Variants in MAP3K2 observed in about 807,000 individuals in gnomAD.
MAP3K2 encodes MAP/ERK kinase kinase 2.
MAP3K2 carries 24 observed loss-of-function variants against 80.3 expected under a neutral mutation model. The ratio of observed to expected loss-of-function variants is 0.30; its 90% CI spans 0.22 to 0.42. The LOEUF (loss-of-function observed/expected upper bound fraction) is 0.42. Ranked by LOEUF, MAP3K2 falls within the 10% of genes least tolerant of loss-of-function variation. MAP3K2 has a pLI of 1.00. For synonymous variants in MAP3K2, 244 were observed against 253.7 expected, an observed-to-expected ratio of 0.96 and a Z score of 0.36; for missense variants, 608 against 750.1, an observed-to-expected ratio of 0.81 and a Z score of 2.21.
Position 127,322,036 on chromosome 2 carries a change from T to C in MAP3K2, c.1045+10A>G. The C allele has an allele frequency of 6.2e-7, 1 of 1,608,720 alleles. No individual in the cohort carries two copies. Among genetic ancestry groups the C allele is most frequent in the Non-Finnish European group, 8.5e-7 (1 of 1,176,524 alleles). On this transcript the variant is annotated intron_variant, in intron 12 of 16. Coordinates refer to ENST00000682094, the MANE Select transcript of MAP3K2 (RefSeq NM_001371910.2). This position sits in a 1 kb window ranked among gnomAD's most constrained non-coding sequence, Gnocchi z 4.2. ...CTCTACATTTCACTATACCAAGTTCTATTACTTACAACGGCTGGGTGGGCT... is the reference window on the plus strand; with the variant it reads ...CTCTACATTTCACTATACCAAGTTCCATTACTTACAACGGCTGGGTGGGCT...
At chr2:127,341,962 T>G (rs1409928095) in intron 2 of MAP3K2, among the ~76,000 whole-genome samples, 1 of 152,230 alleles carries the variant, frequency 6.6e-6, no homozygotes, top group East Asian at 1.9e-4. Flanking sequence ...TTATTCATGA[T>G]ATTTGAAAAA....
At chr2:127,326,561 G>T in intron 8 of MAP3K2, 126 bp downstream of exon 8, 2 of 585,330 alleles carry the variant, frequency 3.4e-6, no homozygotes, top group Non-Finnish European at 5.2e-6. Flanking sequence ...TTTCTATTTT[G>T]TTCAGTTAAG....
intron 1 of MAP3K2, among the ~76,000 whole-genome samples, chr2:127,352,185 T>G (rs988213738): frequency 4.6e-5 from 7 of 152,118 alleles, no homozygotes; most frequent in Non-Finnish European, 8.8e-5. Flanking sequence ...CCAACTTCCC[T>G]ACTTTTGGTG....
In MAP3K2 at chr2:127,307,796, G is replaced by C. The variant is rs1685731030; in HGVS notation, c.1643C>G (p.Ala548Gly). Residue 548 changes from alanine to glycine, a missense_variant, in exon 17 of 17, where the codon GCA (alanine) becomes GGA (glycine). Coordinates refer to ENST00000682094, the MANE Select transcript of MAP3K2 (RefSeq NM_001371910.2). This position sits in a 1 kb window ranked among gnomAD's most constrained non-coding sequence, Gnocchi z 5.4. ...AGTTAGCATTTCTACCACAGTACATGCAACACTCCTGAAAAGAAACAAAAA... is the reference window on the plus strand; with the variant it reads ...AGTTAGCATTTCTACCACAGTACATCCAACACTCCTGAAAAGAAACAAAAA... Reference protein sequence around the residue: ...YGRKADIWSVACTVVEMLTEK... With the variant: ...YGRKADIWSVGCTVVEMLTEK... 2 of 1,584,048 alleles carry C rather than the reference G, an allele frequency of 1.3e-6. No individual in the cohort carries two copies. Among genetic ancestry groups the C allele is most frequent in the African/African-American group, 2.7e-5 (2 of 74,242 alleles).
chr2:127,308,849 TAG>T, intron 15 of MAP3K2, 87 bp from the exon 16 acceptor site: 1 of 1,363,682 alleles, frequency 7.3e-7, no homozygotes, highest in Non-Finnish European at 1.0e-6. Flanking sequence ...AATTACTTCA[TAG>T]ACTCTTTGAT....
rs2104798243 is a variant in MAP3K2, at chr2:127,304,059, A to C, written c.*3520T>G. ...ATAAGGTAAAGACTCTCTCAAGTGAAAGCCAATCCAATTCACTCTGAAATC... is the reference window on the plus strand; with the variant it reads ...ATAAGGTAAAGACTCTCTCAAGTGACAGCCAATCCAATTCACTCTGAAATC... On this transcript the variant is annotated 3_prime_UTR_variant, in exon 17 of 17. Coordinates refer to ENST00000682094, the MANE Select transcript of MAP3K2 (RefSeq NM_001371910.2). The C allele has an allele frequency of 6.6e-6, 1 of 152,298 alleles. No individual in the cohort carries two copies. The highest frequency in any genetic ancestry group is 2.4e-5 in the African/African-American group (1 of 41,584). 9.4% of individuals were successfully genotyped at this position (152,298 alleles called of 1,614,324 possible).
Position 127,318,747 on chromosome 2 carries a change from C to T in MAP3K2, c.1046-430G>A, listed in dbSNP as rs189179395. Among the ~76,000 whole-genome samples, 3 of 152,248 alleles carry T rather than the reference C, an allele frequency of 2.0e-5. No homozygotes were observed. The East Asian group carries it at 5.8e-4, about 29-fold the overall frequency. On this transcript the variant is annotated intron_variant, in intron 12 of 16. Transcript: ENST00000682094. ...CAACAAGAGAAATCTGGGTAATCTACAAAATTTAACTTTTGTTGAACACAT... is the reference window on the plus strand; with the variant it reads ...CAACAAGAGAAATCTGGGTAATCTATAAAATTTAACTTTTGTTGAACACAT...
In MAP3K2 at chr2:127,330,480, T is replaced by C. The variant is rs779010760; in HGVS notation, c.290A>G (p.Asp97Gly). The C allele has an allele frequency of 8.1e-6, 13 of 1,604,340 alleles. No homozygotes were observed. Among genetic ancestry groups the C allele is most frequent in the Non-Finnish European group, 1.1e-5 (13 of 1,173,754 alleles). The change falls in exon 6 of 17, where the codon GAT becomes GGT. Residue 97 changes from aspartate (D) to glycine (G), a missense_variant. By Grantham distance (94) the Asp-to-Gly change is moderately conservative (BLOSUM62 -1). This residue lies in a region of MAP3K2 where 467 missense variants were observed against 521.9 expected (regional missense o/e 0.89). Coordinates refer to ENST00000682094, the MANE Select transcript of MAP3K2 (RefSeq NM_001371910.2). ...CAGTTCCACAGCTTTGTCCAAGTCA[T>C]CTTGAGTAGTTAATGGAATTACCAA... ...NELVIPLTTQ[D>G]DLDKAVELLD...
In MAP3K2 at chr2:127,387,941, G is replaced by A; in HGVS notation, c.-555C>T. On this transcript the variant is annotated 5_prime_UTR_variant, in exon 1 of 17. Transcript: ENST00000682094. Reference sequence around the variant, plus strand: ...TCGTCAGGCGCCGCCGCTGAGGGCAGGCAGCCCGGCAGCCACTACACACGG... The same window carrying A: ...TCGTCAGGCGCCGCCGCTGAGGGCAAGCAGCCCGGCAGCCACTACACACGG... 8 of 984,732 alleles carry A rather than the reference G, an allele frequency of 8.1e-6. No individual in the cohort carries two copies. Among genetic ancestry groups the A allele is most frequent in the Non-Finnish European group, 9.6e-6 (8 of 829,674 alleles). The allele number at this position is 984,732 out of a possible 1,614,324, so 61.0% of individuals were successfully genotyped here. A position where few individuals can be genotyped will look rare whatever the true frequency, so the allele number is the denominator to read the frequency against.
At chr2:127,385,739 C>A (rs1687333457) in intron 1 of MAP3K2, among the ~76,000 whole-genome samples, 1 of 148,276 alleles carries the variant, frequency 6.7e-6, no homozygotes, top group South Asian at 2.2e-4. Flanking sequence ...AAGAGAAAAT[C>A]AACCTGAAAC....
Position 127,330,503 on chromosome 2 carries a change from C to A in MAP3K2, c.267G>T (p.Leu89Phe). The A allele has an allele frequency of 6.5e-7, 1 of 1,530,128 alleles. No individual in the cohort carries two copies. The highest frequency in any genetic ancestry group is 9.0e-7 in the Non-Finnish European group (1 of 1,110,114). 94.8% of individuals were successfully genotyped at this position (1,530,128 alleles called of 1,614,324 possible). A position where few individuals can be genotyped will look rare whatever the true frequency, so the allele number is the denominator to read the frequency against. ...CATCTTGAGTAGTTAATGGAATTAC[C>A]AACTAAAAACAAACATAAGGAACCA... is the stretch of plus-strand genomic sequence containing the variant. ...SMDLHYTNNE[L>F]VIPLTTQDDL... The change falls in exon 6 of 17, where the codon TTG becomes TTT. Residue 89 changes from leucine to phenylalanine, a missense_variant and splice_region_variant. By Grantham distance (22) the Leu-to-Phe change is conservative. Transcript: ENST00000682094.
chr2:127,376,087 T>A (rs529542779), intron 1 of MAP3K2, among the ~76,000 whole-genome samples: 1 of 152,198 alleles, frequency 6.6e-6, no homozygotes, highest in South Asian at 2.1e-4. Context: ...AGGAGATCAG[T>A]CAGGGTGATG....
chr2:127,348,792 G>C (rs186987507), intron 1 of MAP3K2, among the ~76,000 whole-genome samples: 14 of 152,240 alleles, frequency 9.2e-5, no homozygotes, highest in African/African-American at 3.4e-4. Context: ...AAACAAAATA[G>C]AAGTGGCTGG....
Position 127,307,573 on chromosome 2 carries a change from T to C in MAP3K2, c.*6A>G, listed in dbSNP as rs1352963933. The C allele has an allele frequency of 2.6e-6, 4 of 1,553,538 alleles. No individual in the cohort carries two copies. The highest frequency in any genetic ancestry group is 2.7e-5 in the African/African-American group (2 of 73,484). Reference sequence around the variant, plus strand: ...TAGGTAGAGGCACAGGAGAGGTTACTGGCTGCTAGTGATAATGCACAAACA... The same window carrying C: ...TAGGTAGAGGCACAGGAGAGGTTACCGGCTGCTAGTGATAATGCACAAACA... On this transcript the variant is annotated 3_prime_UTR_variant, in exon 17 of 17. Transcript: ENST00000682094. The surrounding 1 kb of genome is among the most constrained non-coding windows in gnomAD (Gnocchi z 5.4).
rs557542522 is a variant in MAP3K2 at position 127,382,214 on chromosome 2, C to T, written c.-66+5238G>A. Among the ~76,000 whole-genome samples the T allele has an allele frequency of 4.2e-4, 64 of 152,190 alleles. No individual in the cohort carries two copies. The Middle Eastern group carries it at 0.01, about 24-fold the overall frequency. On this transcript the variant is annotated intron_variant, in intron 1 of 16. Coordinates refer to ENST00000682094, the MANE Select transcript of MAP3K2 (RefSeq NM_001371910.2). ...GAAGTATCGCACCTAAGAAAAGTAACAATAATGGTATTTTGGCTATGTAAG... is the reference window on the plus strand; with the variant it reads ...GAAGTATCGCACCTAAGAAAAGTAATAATAATGGTATTTTGGCTATGTAAG...
intron 14 of MAP3K2, among the ~76,000 whole-genome samples, chr2:127,316,029 C>T (rs908636720): frequency 1.3e-5 from 2 of 151,964 alleles, no homozygotes; most frequent in African/African-American, 2.4e-5. Flanking sequence ...GAGCCGAGAT[C>T]GCACCACTGC....
chr2:127,353,634 C>T (rs940361737), intron 1 of MAP3K2, among the ~76,000 whole-genome samples: 12 of 151,336 alleles, frequency 7.9e-5, no homozygotes, highest in African/African-American at 1.7e-4. Context: ...GGTCAAACCC[C>T]GGCCCGGCCA....
At position 127,304,206 on chromosome 2, in the gene MAP3K2, TAGAA is replaced by T. The variant is rs1397442771; in HGVS notation, c.*3369_*3372del. The T allele has an allele frequency of 2.6e-5, 4 of 152,146 alleles. No individual in the cohort carries two copies. Among genetic ancestry groups the T allele is most frequent in the Non-Finnish European group, 5.9e-5 (4 of 68,008 alleles). 9.4% of individuals were successfully genotyped at this position (152,146 alleles called of 1,614,324 possible). A position where few individuals can be genotyped will look rare whatever the true frequency, so the allele number is the denominator to read the frequency against. On this transcript the variant is annotated 3_prime_UTR_variant, in exon 17 of 17. Coordinates refer to ENST00000682094, the MANE Select transcript of MAP3K2 (RefSeq NM_001371910.2). ...TAAGGCAATAGTCATTTTTTTAAGT[TAGAA>T]AGATGTTTTGTAAACAAGGAAAAGT...
rs140759988 is a variant in MAP3K2, at chr2:127,378,924, C to T, written c.-66+8528G>A. Among the ~76,000 whole-genome samples the T allele has an allele frequency of 2.3e-3, 346 of 151,498 alleles. 1 individual carries two copies. The highest frequency in any genetic ancestry group is 7.6e-3 in the African/African-American group (313 of 41,280). On this transcript the variant is annotated intron_variant, in intron 1 of 16. Coordinates refer to ENST00000682094, the MANE Select transcript of MAP3K2 (RefSeq NM_001371910.2). Reference sequence around the variant, plus strand: ...CCTCCCACCTCAGCCTTTTGAGTAGCTGGAACTACCGGCGTGTGTGCTATC... The same window carrying T: ...CCTCCCACCTCAGCCTTTTGAGTAGTTGGAACTACCGGCGTGTGTGCTATC...
Sources: gnomAD v4.1 joint callset for allele counts (sites outside exome capture counted in the v4.1 genomes callset) on GRCh38, gnomAD v4.1.1 for gene constraint, gnomAD v4.1.1 regional missense constraint, Gnocchi (gnomAD v3.1) non-coding constraint, MANE v1.5 for transcripts, NCBI Gene and HGNC (gene_info 2026-07-23, HGNC 2026-07-21) for gene names.